RP1: variants seen among roughly 807,000 people sequenced by gnomAD.
RP1 encodes the protein oxygen-regulated protein 1.
Under a neutral mutation model 14.8 loss-of-function variants are expected in RP1, and 16 were observed. That is an observed-to-expected ratio of 1.08 (90% CI 0.73 to 1.65). RP1 has a LOEUF of 1.65. Among genes scored for constraint, RP1 ranks in the 40% most tolerant of loss-of-function variants. The pLI is 0.00. For synonymous variants in RP1, 876 were observed against 883.6 expected (o/e 0.99, Z 0.15); for missense variants, 2,631 against 2,535.0 (o/e 1.04, Z -0.81).
In RP1 at chr8:54,628,106, A is replaced by G. The variant is rs750721836; in HGVS notation, c.4224A>G (p.Ala1408=). ...GCCTTTGCCTAAGTGAAAAAGAAGC[A>G]GAACTTGATAAGAAACATAGTTCTC... ...SCGLCLSEKE[A]ELDKKHSSLD... is the part of the protein sequence containing the mutation. The change falls in exon 4 of 4, where the codon GCA becomes GCG. Residue 1408 remains alanine, a synonymous_variant. Transcript: ENST00000220676. 6.8e-6 allele frequency: 11 copies of G among 1,613,934 alleles called. No individual in the cohort carries two copies. In the Admixed American group the frequency reaches 1.2e-4, roughly 17 times the overall value.
chr8:54,695,987 A>T (rs985935290), intron 12 of RP1, among the ~76,000 whole-genome samples: 5 of 152,088 alleles, frequency 3.3e-5, no homozygotes, highest in African/African-American at 4.8e-5. Flanking sequence ...TGTGTCTTTC[A>T]TTTTTAGAAA....
At chr8:54,710,978 A>G (rs1448515037) in intron 15 of RP1, among the ~76,000 whole-genome samples, 1 of 152,186 alleles carries the variant, frequency 6.6e-6, no homozygotes, top group Non-Finnish European at 1.5e-5. Flanking sequence ...TTCACCTCAA[A>G]GGTGGAGTTT....
Position 54,625,284 on chromosome 8 carries a change from A to T in RP1, c.1402A>T (p.Thr468Ser), listed in dbSNP as rs1185602873. The change falls in exon 4 of 4, where the codon ACC becomes TCC. Residue 468 changes from threonine (T) to serine (S), a missense_variant. Coordinates refer to ENST00000220676, the MANE Select transcript of RP1 (RefSeq NM_006269.2). The stretch of plus-strand genomic sequence containing the variant: ...AAAGAAATCTGTGATTGGCAGTGTG[A>T]CCTTAGTATCTGAAACTGAGGTTCA... ...RQKKSVIGSV[T>S]LVSETEVQEK... is the part of the protein sequence containing the mutation. 1.9e-6 allele frequency: 3 copies of T among 1,614,204 alleles called. No homozygotes were observed. The highest frequency in any genetic ancestry group is 8.5e-7 in the Non-Finnish European group (1 of 1,180,038).
rs1811186788 is a variant in RP1 at position 54,818,573 on chromosome 8, G to T, written c.3616-18877G>T. On this transcript the variant is annotated intron_variant, in intron 24 of 28. Transcript: ENST00000637698. ...TGCAGAAGGACTTCTAAGTGGAGGT[G>T]AGTCAAGATGTCAGGCTCAGCTTTA... Among the ~76,000 whole-genome samples, 3 of 152,212 alleles carry T rather than the reference G, an allele frequency of 2.0e-5. No homozygotes were observed. The South Asian group carries it at 6.2e-4, about 32-fold the overall frequency.
chr8:54,563,225 T>C (rs745543053), intron 1 of RP1, among the ~76,000 whole-genome samples: 1 of 152,224 alleles, frequency 6.6e-6, no homozygotes, highest in Non-Finnish European at 1.5e-5. Context: ...TAAGGAGATC[T>C]GAGATTGGGA....
At chr8:54,809,992 G>C (rs1397543451) in intron 24 of RP1, among the ~76,000 whole-genome samples, 1 of 152,114 alleles carries the variant, frequency 6.6e-6, no homozygotes, top group Non-Finnish European at 1.5e-5. Context: ...TGAAAGCTCA[G>C]GCCAATGAAC....
At chr8:54,835,087 A>C (rs893809067) in intron 24 of RP1, among the ~76,000 whole-genome samples, 12 of 146,894 alleles carry the variant, frequency 8.2e-5, no homozygotes, top group African/African-American at 2.5e-4. Flanking sequence ...GAAAAATCCT[A>C]CATTTTGGAG....
At chr8:54,731,991 C>T (rs1460573626) in intron 17 of RP1, among the ~76,000 whole-genome samples, 1 of 152,208 alleles carries the variant, frequency 6.6e-6, no homozygotes, top group Non-Finnish European at 1.5e-5. Flanking sequence ...TTGTGACTGG[C>T]TCTCTGTTGC....
rs1805852054 is a variant in RP1, at chr8:54,621,185, G to C, written c.219G>C (p.Lys73Asn). ...FDALLDNLSR[K>N]VPLPFGVRNI... Reference sequence around the variant, plus strand: ...CTCTGCTGGATAACTTGTCCAGGAAGGTGCCCCTCCCTTTTGGAGTGAGGA... The same window carrying C: ...CTCTGCTGGATAACTTGTCCAGGAACGTGCCCCTCCCTTTTGGAGTGAGGA... The change falls in exon 2 of 4, where the codon AAG becomes AAC. Residue 73 changes from lysine (K) to asparagine (N), a missense_variant. Physicochemically the swap from Lys to Asn is moderately conservative, Grantham distance 94. Coordinates refer to ENST00000220676, the MANE Select transcript of RP1 (RefSeq NM_006269.2). 6.2e-7 allele frequency: 1 copy of C among 1,614,140 alleles called. No homozygotes were observed. The highest frequency in any genetic ancestry group is 8.5e-7 in the Non-Finnish European group (1 of 1,180,006).
chr8:54,785,666 C>T (rs760346328), intron 24 of RP1, among the ~76,000 whole-genome samples: 8 of 152,090 alleles, frequency 5.3e-5, no homozygotes, highest in Non-Finnish European at 8.8e-5. Context: ...TACAAGGTTT[C>T]ATCTTTCTCC....
chr8:54,687,763 A>G (rs1364559294), intron 12 of RP1, among the ~76,000 whole-genome samples: 3 of 152,210 alleles, frequency 2.0e-5, no homozygotes, highest in Non-Finnish European at 2.9e-5. Context: ...CAGTGCCACA[A>G]TAAACATACA....
chr8:54,720,188 A>G, exon 16 of RP1: 1 of 1,535,808 alleles, frequency 6.5e-7, no homozygotes, highest in Non-Finnish European at 8.7e-7. Flanking sequence ...ATGCATCCAT[A>G]AGCCTGGAAT....
intron 1 of RP1, among the ~76,000 whole-genome samples, chr8:54,577,881 T>C (rs1253115861): frequency 2.0e-5 from 3 of 152,204 alleles, no homozygotes; most frequent in Non-Finnish European, 4.4e-5. Flanking sequence ...CTTGGATAAC[T>C]TCCAATGATG....
intron 27 of RP1, among the ~76,000 whole-genome samples, chr8:54,861,382 A>G (rs375704683): frequency 1.3e-4 from 20 of 152,330 alleles, no homozygotes; most frequent in African/African-American, 4.8e-4. Context: ...AAAAGTTGTG[A>G]TGTGCCATAT....
intron 1 of RP1, among the ~76,000 whole-genome samples, chr8:54,569,466 G>T (rs1039770212): frequency 2.6e-5 from 4 of 152,222 alleles, no homozygotes; most frequent in Non-Finnish European, 5.9e-5. Flanking sequence ...ATATTGGCTT[G>T]AGTATTCAGC....
chr8:54,862,772 G>A (rs936285675), intron 27 of RP1, among the ~76,000 whole-genome samples: 2 of 151,864 alleles, frequency 1.3e-5, no homozygotes, highest in African/African-American at 2.4e-5. Context: ...TATGACTTCC[G>A]GCCACATTTC....
At chr8:54,703,468 T>A (rs1255684705) in intron 14 of RP1, among the ~76,000 whole-genome samples, 1 of 152,170 alleles carries the variant, frequency 6.6e-6, no homozygotes, top group East Asian at 1.9e-4. Flanking sequence ...TAAACGATGC[T>A]GTAAATAGAT....
chr8:54,726,807 C>T (rs1808666438), intron 17 of RP1, among the ~76,000 whole-genome samples: 1 of 151,898 alleles, frequency 6.6e-6, no homozygotes, highest in Non-Finnish European at 1.5e-5. Flanking sequence ...TAAATTCTCA[C>T]TAAAGTCTAA....
chr8:54,843,664 C>G (rs1811843984), intron 25 of RP1, among the ~76,000 whole-genome samples: 2 of 152,134 alleles, frequency 1.3e-5, no homozygotes, highest in South Asian at 4.2e-4. Flanking sequence ...TTAATTAAAT[C>G]AAAGGGAAGC....
Sources: allele counts gnomAD v4.1 joint callset (sites outside exome capture counted in the v4.1 genomes callset), GRCh38; gene constraint gnomAD v4.1.1; transcripts MANE v1.5; gene names NCBI Gene and HGNC (gene_info 2026-07-23, HGNC 2026-07-21).